KIAA1328: variants seen among roughly 807,000 people sequenced by gnomAD.
KIAA1328 encodes protein hinderin.
Under a neutral mutation model 68.1 loss-of-function variants are expected in KIAA1328, and 52 were observed. The observed-to-expected ratio is 0.76, with a 90% CI of 0.61 to 0.96. The LOEUF (loss-of-function observed/expected upper bound fraction) is 0.96, where lower values mean the gene tolerates loss of function less well. Among genes scored for constraint, KIAA1328 ranks in the 40% least tolerant of loss-of-function variants. The probability of loss-of-function intolerance (pLI) is 0.00; values close to 1 mark genes in which losing one functional copy is unlikely to be tolerated. For synonymous variants in KIAA1328, 232 were observed against 239.4 expected (o/e 0.97, Z 0.28); for missense variants, 641 against 677.6 (o/e 0.95, Z 0.60).
chr18:37,108,411 A>G (rs1391990182), intron 7 of KIAA1328, among the ~76,000 whole-genome samples: 7 of 152,278 alleles, frequency 4.6e-5, no homozygotes, highest in Non-Finnish European at 7.4e-5. Flanking sequence ...GTTGGTTACT[A>G]TGCTCACTAC....
intron 6 of KIAA1328, among the ~76,000 whole-genome samples, chr18:36,990,992 A>T (rs1026956160): frequency 7.2e-5 from 11 of 152,184 alleles, no homozygotes; most frequent in African/African-American, 2.4e-4. Flanking sequence ...TCTTCCAAAG[A>T]ATTAATAGCT....
At chr18:37,174,658 A>G (rs554331446) in intron 9 of KIAA1328, among the ~76,000 whole-genome samples, 19 of 151,574 alleles carry the variant, frequency 1.3e-4, no homozygotes, top group African/African-American at 4.4e-4. Context: ...CAGTGGCGCA[A>G]TCTTGGCTCA....
At chr18:36,896,930 T>A (rs1267735149) in intron 5 of KIAA1328, among the ~76,000 whole-genome samples, 1 of 152,112 alleles carries the variant, frequency 6.6e-6, no homozygotes, top group Non-Finnish European at 1.5e-5. Flanking sequence ...CAAATTTGTC[T>A]TAGTATTCTT....
intron 6 of KIAA1328, among the ~76,000 whole-genome samples, chr18:37,033,208 AG>A (rs2054901772): frequency 6.6e-6 from 1 of 152,176 alleles, no homozygotes; most frequent in Admixed American, 6.5e-5. Context: ...TATTTATAAT[AG>A]GACTTTTGAA....
intron 7 of KIAA1328, among the ~76,000 whole-genome samples, chr18:37,120,955 C>T (rs1287246481): frequency 3.3e-5 from 5 of 152,078 alleles, no homozygotes; most frequent in Admixed American, 2.0e-4. Flanking sequence ...TGGGCAAAAG[C>T]ACTGCCAGGT....
At chr18:36,928,707 C>T (rs761842318) in intron 5 of KIAA1328, among the ~76,000 whole-genome samples, 5 of 152,110 alleles carry the variant, frequency 3.3e-5, no homozygotes, top group Non-Finnish European at 4.4e-5. Flanking sequence ...TGTGTGCGCA[C>T]GCATGTGCAC....
chr18:37,092,406 T>G (rs2057292492), intron 7 of KIAA1328, among the ~76,000 whole-genome samples: 1 of 151,964 alleles, frequency 6.6e-6, no homozygotes. Flanking sequence ...AGTGCCCACA[T>G]GTACCACTGT....
intron 6 of KIAA1328, among the ~76,000 whole-genome samples, chr18:36,982,002 T>C (rs1294010763): frequency 6.7e-6 from 1 of 150,050 alleles, no homozygotes; most frequent in African/African-American, 2.4e-5. Flanking sequence ...GTTGGAGATA[T>C]AGCAGTTAGA....
intron 7 of KIAA1328, among the ~76,000 whole-genome samples, chr18:37,104,543 G>C (rs1471804823): frequency 6.6e-6 from 1 of 152,146 alleles, no homozygotes; most frequent in Non-Finnish European, 1.5e-5. Flanking sequence ...TGATGAATGG[G>C]TACAAACACA....
intron 9 of KIAA1328, among the ~76,000 whole-genome samples, chr18:37,182,244 ACTTTAATG>A (rs2059712409): frequency 6.6e-6 from 1 of 152,154 alleles, no homozygotes; most frequent in Non-Finnish European, 1.5e-5. Flanking sequence ...TTCCTTAGGC[ACTTTAATG>A]CTTTTATAAA....
chr18:37,175,225 A>G (rs2059576963), intron 9 of KIAA1328, among the ~76,000 whole-genome samples: 1 of 152,190 alleles, frequency 6.6e-6, no homozygotes, highest in Non-Finnish European at 1.5e-5. Flanking sequence ...TGAGATCTTT[A>G]ACACCACTTT....
intron 7 of KIAA1328, among the ~76,000 whole-genome samples, chr18:37,079,957 CTA>C (rs2056894025): frequency 6.7e-6 from 1 of 150,178 alleles, no homozygotes; most frequent in Non-Finnish European, 1.5e-5. Flanking sequence ...TATGCAGTAA[CTA>C]TGTCAATTAA....
intron 9 of KIAA1328, among the ~76,000 whole-genome samples, chr18:37,192,285 T>C (rs986906751): frequency 2.6e-5 from 4 of 152,104 alleles, no homozygotes; most frequent in African/African-American, 9.7e-5. Context: ...TCTATCCATA[T>C]TGTCTTTCTC....
chr18:37,229,604 G>A (rs543365638), downstream of KIAA1328: 10 of 1,269,144 alleles, frequency 7.9e-6, no homozygotes, highest in East Asian at 5.7e-5. Flanking sequence ...ATCCAGGCGC[G>A]GTGGCTTACA....
chr18:36,958,483 G>C (rs1348678023), intron 5 of KIAA1328, among the ~76,000 whole-genome samples: 1 of 152,094 alleles, frequency 6.6e-6, no homozygotes, highest in African/African-American at 2.4e-5. Flanking sequence ...GAGGGTTCCA[G>C]TTTCTTCATA....
At chr18:36,934,081 T>G (rs1386918065) in intron 5 of KIAA1328, among the ~76,000 whole-genome samples, 1 of 152,104 alleles carries the variant, frequency 6.6e-6, no homozygotes, top group Non-Finnish European at 1.5e-5. Flanking sequence ...TGGGATCTCT[T>G]GCAGCTAGGA....
chr18:37,015,833 T>G (rs2054133994), intron 6 of KIAA1328, among the ~76,000 whole-genome samples: 1 of 152,196 alleles, frequency 6.6e-6, no homozygotes, highest in Non-Finnish European at 1.5e-5. Context: ...ATGCTACTCA[T>G]TTTTCTAAAC....
At chr18:36,932,797 G>A (rs2050359905) in intron 5 of KIAA1328, among the ~76,000 whole-genome samples, 1 of 152,176 alleles carries the variant, frequency 6.6e-6, no homozygotes, top group African/African-American at 2.4e-5. Flanking sequence ...AAAAGACGCA[G>A]TGGGGTTTCT....
chr18:36,983,207 A>G (rs1222559961), intron 6 of KIAA1328, among the ~76,000 whole-genome samples: 3 of 152,110 alleles, frequency 2.0e-5, no homozygotes, highest in Admixed American at 6.6e-5. Context: ...AAAGCAAGAC[A>G]CAAATATAAA....
Sources: gnomAD v4.1 joint callset for allele counts (sites outside exome capture counted in the v4.1 genomes callset) on GRCh38, gnomAD v4.1.1 for gene constraint, MANE v1.5 for transcripts, NCBI Gene and HGNC (gene_info 2026-07-23, HGNC 2026-07-21) for gene names.